The following VARS1 variants were observed in gnomAD, a reference collection of about 807,000 sequenced individuals.
VARS1 encodes valine--tRNA ligase.
Under a neutral mutation model 161.0 loss-of-function variants are expected in VARS1, and 92 were observed. The observed-to-expected ratio is 0.57, with a 90% confidence interval of 0.48 to 0.68. The LOEUF (loss-of-function observed/expected upper bound fraction) is 0.68. Ranked by LOEUF, VARS1 falls within the 30% of genes least tolerant of loss-of-function variation. The pLI, the probability that VARS1 is intolerant of heterozygous loss-of-function variation, is 0.00. For synonymous variants in VARS1, 595 were observed against 682.5 expected (o/e 0.87, Z 2.00); for missense variants, 1,338 against 1,695.9 (o/e 0.79, Z 3.71).
Position 31,784,115 on chromosome 6 carries a change from C to T in VARS1, c.1671+99G>A, listed in dbSNP as rs894139393. ...GAAGACCAGTTTCTAACCCAGTTTC[C>T]TCTCCTCAGCCAGGGGCCTAAGTCC... is the stretch of plus-strand genomic sequence containing the variant. On this transcript the variant is annotated intron_variant, in intron 13 of 29. Transcript: ENST00000375663. This position sits in a 1 kb window ranked among gnomAD's most constrained non-coding sequence, Gnocchi z 6.1. 1.9e-5 allele frequency: 26 copies of T among 1,373,448 alleles called. No homozygotes were observed. In the Middle Eastern group the frequency reaches 1.1e-3, roughly 59 times the overall value. The allele number at this position is 1,373,448 out of a possible 1,614,324, so 85.1% of individuals were successfully genotyped here. A position where few individuals can be genotyped will look rare whatever the true frequency, so the allele number is the denominator to read the frequency against.
In VARS1 at chr6:31,779,937, GCCCAGGGCTCTGCTGC is replaced by G; in HGVS notation, c.3081+45_3081+60del. ...TCAAGGCCAACTCTGGCAAAACTGAGCCCAGGGCTCTGCTGCCCACCTGCCCCCACCATCCCCTGCC... is the reference window on the plus strand; with the variant it reads ...TCAAGGCCAACTCTGGCAAAACTGAGCCACCTGCCCCCACCATCCCCTGCC... On this transcript the variant is annotated intron_variant, in intron 26 of 29. Coordinates refer to ENST00000375663, the MANE Select transcript of VARS1 (RefSeq NM_006295.3). This position sits in a 1 kb window ranked among gnomAD's most constrained non-coding sequence, Gnocchi z 9.1. 6.2e-7 allele frequency: 1 copy of G among 1,607,074 alleles called. No homozygotes were observed. The highest frequency in any genetic ancestry group is 1.1e-5 in the South Asian group (1 of 90,808).
chr6:31,783,060 C>A, intron 14 of VARS1, 36 bp downstream of exon 14: 5 of 1,607,686 alleles, frequency 3.1e-6, no homozygotes, highest in Non-Finnish European at 4.2e-6. Context: ...CAGCTCCAGT[C>A]TTTTCCTCTC....
Position 31,778,899 on chromosome 6 carries a change from A to G in VARS1, c.3726+68T>C, listed in dbSNP as rs780907967. The G allele has an allele frequency of 4.4e-6, 7 of 1,599,460 alleles. No homozygotes were observed. Among genetic ancestry groups the G allele is most frequent in the Non-Finnish European group, 5.1e-6 (6 of 1,169,834 alleles). ...TAGTTGTCAACACCACTGCACTCGGACCAGCCCAGACCAGGGTTTTGATGG... is the reference window on the plus strand; with the variant it reads ...TAGTTGTCAACACCACTGCACTCGGGCCAGCCCAGACCAGGGTTTTGATGG... On this transcript the variant is annotated intron_variant, in intron 29 of 29. Transcript: ENST00000375663. The surrounding 1 kb of genome is among the most constrained non-coding windows in gnomAD (Gnocchi z 5.1).
Position 31,781,456 on chromosome 6 carries a change from G to A in VARS1, c.2544+25C>T. The A allele has an allele frequency of 6.2e-7, 1 of 1,609,194 alleles. No individual in the cohort carries two copies. The highest frequency in any genetic ancestry group is 8.5e-7 in the Non-Finnish European group (1 of 1,179,092). ...GGTAGGAGAGGAGGCTGGGGGCGAT[G>A]GGAGGGTCTCGGCTGTCTCCGCACC... On this transcript the variant is annotated intron_variant, in intron 21 of 29. Coordinates refer to ENST00000375663, the MANE Select transcript of VARS1 (RefSeq NM_006295.3). The surrounding 1 kb of genome is among the most constrained non-coding windows in gnomAD (Gnocchi z 6.8).
In VARS1 at chr6:31,784,749, C is replaced by T. The variant is rs1303612749; in HGVS notation, c.1348-35G>A. 3.1e-6 allele frequency: 5 copies of T among 1,611,882 alleles called. No individual in the cohort carries two copies. The Admixed American group carries it at 6.7e-5, about 22-fold the overall frequency. On this transcript the variant is annotated intron_variant, in intron 10 of 29. Transcript: ENST00000375663. The surrounding 1 kb of genome is among the most constrained non-coding windows in gnomAD (Gnocchi z 6.1). ...AGGAGGGAGAAGTCAGAGAGATGGG[C>T]CTTGTGCCTGGAGGCCCAGGCAGAC...
Position 31,779,535 on chromosome 6 carries a change from C to G in VARS1, c.3290G>C (p.Cys1097Ser). 6.2e-7 allele frequency: 1 copy of G among 1,612,376 alleles called. No individual in the cohort carries two copies. Among genetic ancestry groups the G allele is most frequent in the Non-Finnish European group, 8.5e-7 (1 of 1,179,850 alleles). ...CVTPYPEPSECSWKDPEAEAA... is the reference protein window; with the variant it reads ...CVTPYPEPSESSWKDPEAEAA... ...TTCTGCCTCGGGGTCCTTCCAGGAG[C>G]ACTGTGGGGTGGAGGAGGGGGTGAG... The change falls in exon 28 of 30, where the codon TGC (cysteine) becomes TCC (serine). Residue 1097 changes from cysteine to serine, a missense_variant and splice_region_variant. Physicochemically the swap from Cys to Ser is moderately radical, Grantham distance 112 (BLOSUM62 -1). This residue lies in a region of VARS1 where 433 missense variants were observed against 586.2 expected (regional missense o/e 0.74). Coordinates refer to ENST00000375663, the MANE Select transcript of VARS1 (RefSeq NM_006295.3). This position sits in a 1 kb window ranked among gnomAD's most constrained non-coding sequence, Gnocchi z 9.1.
chr6:31,779,029 G>A lies in VARS1; in HGVS notation c.3664C>T (p.Arg1222Cys), dbSNP rs375257266. The A allele has an allele frequency of 2.2e-4, 357 of 1,612,998 alleles. 1 individual carries two copies. Among genetic ancestry groups the A allele is most frequent in the South Asian group, 1.4e-3 (126 of 91,076 alleles). The change falls in exon 29 of 30, where the codon CGT (arginine) becomes TGT (cysteine). Residue 1222 changes from arginine (R) to cysteine (C), a missense_variant. Arg to Cys is a radical substitution (Grantham distance 180). Coordinates refer to ENST00000375663, the MANE Select transcript of VARS1 (RefSeq NM_006295.3). The surrounding 1 kb of genome is among the most constrained non-coding windows in gnomAD (Gnocchi z 9.1). Reference sequence around the variant, plus strand: ...TTGACAGGATAGCCCGAGGCAGCACGGCGTTCCCGCAGACGCTGGGCCTGC... The same window carrying A: ...TTGACAGGATAGCCCGAGGCAGCACAGCGTTCCCGCAGACGCTGGGCCTGC... ...QRQAQRLRER[R>C]AASGYPVKVP...
In VARS1 at chr6:31,781,672, C is replaced by A. The variant is rs1038728929; in HGVS notation, c.2418+19G>T. On this transcript the variant is annotated intron_variant, in intron 20 of 29. Transcript: ENST00000375663. The surrounding 1 kb of genome is among the most constrained non-coding windows in gnomAD (Gnocchi z 6.8). ...CCTCCAGTCCCCTGTCCCGCCAAGC[C>A]CCGGCCCCAGGAACACACCTGGTTG... 6.8e-6 allele frequency: 11 copies of A among 1,612,880 alleles called. No homozygotes were observed. The highest frequency in any genetic ancestry group is 9.3e-6 in the Non-Finnish European group (11 of 1,179,994).
chr6:31,781,629 A>C lies in VARS1; in HGVS notation c.2419-23T>G. On this transcript the variant is annotated intron_variant, in intron 20 of 29. Transcript: ENST00000375663. The surrounding 1 kb of genome is among the most constrained non-coding windows in gnomAD (Gnocchi z 6.8). ...TGACTGAGGGCAGACCAGGGTGTGA[A>C]GGGGAGCCAACACCCACCCTCCAGT... 1 of 1,612,916 alleles carries C rather than the reference A, an allele frequency of 6.2e-7. No individual in the cohort carries two copies.
chr6:31,780,064 G>A lies in VARS1; in HGVS notation c.3015C>T (p.Tyr1005=), dbSNP rs761794884. 60 of 1,614,014 alleles carry A rather than the reference G, an allele frequency of 3.7e-5. No homozygotes were observed. The highest frequency in any genetic ancestry group is 2.7e-4 in the South Asian group (25 of 91,092). ...GGGCAGTGGTGACGGCCGGGAAGTC[G>A]TAGGCCTGGAAGCCTTGATTGCTGA... The part of the protein sequence containing the change: ...VRLSNQGFQA[Y]DFPAVTTAQY... The change falls in exon 26 of 30, where the codon TAC becomes TAT. Residue 1005 remains tyrosine (Y), a synonymous_variant. Transcript: ENST00000375663. This position sits in a 1 kb window ranked among gnomAD's most constrained non-coding sequence, Gnocchi z 5.1.
chr6:31,777,628 T>C lies in VARS1; in HGVS notation c.3761A>G (p.Asp1254Gly). Reference sequence around the variant, plus strand: ...CTTCTGGAATAGGGCGATGGCCTCATCCACCTTCCTGAGCTCTGCTTCTGT... The same window carrying C: ...CTTCTGGAATAGGGCGATGGCCTCACCCACCTTCCTGAGCTCTGCTTCTGT... Reference protein sequence around the residue: ...QQTEAELRKVDEAIALFQKML With the variant: ...QQTEAELRKVGEAIALFQKML The change falls in exon 30 of 30, where the codon GAT becomes GGT. Residue 1254 changes from aspartate (D) to glycine (G), a missense_variant. Asp to Gly is a moderately conservative substitution (Grantham distance 94). This residue lies in a region of VARS1 where 433 missense variants were observed against 586.2 expected (regional missense o/e 0.74). Transcript: ENST00000375663. The surrounding 1 kb of genome is among the most constrained non-coding windows in gnomAD (Gnocchi z 5.8). The C allele has an allele frequency of 6.2e-7, 1 of 1,613,992 alleles. No individual in the cohort carries two copies. The highest frequency in any genetic ancestry group is 8.5e-7 in the Non-Finnish European group (1 of 1,179,980).
rs187682238 is a variant in VARS1, at chr6:31,780,706, C to T, written c.2796G>A (p.Gln932=). The T allele has an allele frequency of 3.1e-6, 5 of 1,614,152 alleles. No homozygotes were observed. The highest frequency in any genetic ancestry group is 1.7e-4 in the Middle Eastern group (1 of 6,060). Reference sequence around the variant, plus strand: ...GGAGGGACGCTTTGGGGGCCATACCCTGGGACATGTAGGCACATAATCCAA... The same window carrying T: ...GGAGGGACGCTTTGGGGGCCATACCTTGGGACATGTAGGCACATAATCCAA... ...LRFGLCAYMS[Q]GRDINLDVNR... Residue 932 remains glutamine (Q), a splice_region_variant and synonymous_variant, in exon 24 of 30, where the codon CAG becomes CAA. Coordinates refer to ENST00000375663, the MANE Select transcript of VARS1 (RefSeq NM_006295.3). The surrounding 1 kb of genome is among the most constrained non-coding windows in gnomAD (Gnocchi z 5.1).
At chr6:31,788,618 G>A (rs964120250) in intron 8 of VARS1, among the ~76,000 whole-genome samples, 2 of 149,724 alleles carry the variant, frequency 1.3e-5, no homozygotes, top group Admixed American at 1.3e-4. Context: ...CATCCTGGCC[G>A]ACAGGGTGAA....
At position 31,780,587 on chromosome 6, in the gene VARS1, G is replaced by A; in HGVS notation, c.2798-19C>T. Reference sequence around the variant, plus strand: ...TCACGACCTGGGTCGGGGGTGAGATGTGAGTCCTCATCACCCTCTTCCCAG... The same window carrying A: ...TCACGACCTGGGTCGGGGGTGAGATATGAGTCCTCATCACCCTCTTCCCAG... On this transcript the variant is annotated intron_variant, in intron 24 of 29. Coordinates refer to ENST00000375663, the MANE Select transcript of VARS1 (RefSeq NM_006295.3). This position sits in a 1 kb window ranked among gnomAD's most constrained non-coding sequence, Gnocchi z 5.1. 1.2e-6 allele frequency: 2 copies of A among 1,612,772 alleles called. No individual in the cohort carries two copies. The highest frequency in any genetic ancestry group is 2.2e-5 in the South Asian group (2 of 90,946).
In VARS1 at chr6:31,779,473, C is replaced by G. The variant is rs543142503; in HGVS notation, c.3352G>C (p.Val1118Leu). 6.8e-6 allele frequency: 11 copies of G among 1,612,706 alleles called. No individual in the cohort carries two copies. Among genetic ancestry groups the G allele is most frequent in the Non-Finnish European group, 8.5e-6 (10 of 1,179,988 alleles). The part of the protein sequence containing the change: ...LELALSITRA[V>L]RSLRADYNLT... The stretch of plus-strand genomic sequence containing the variant: ...TTGTAGTCGGCCCGCAGGGAGCGCA[C>G]GGCTCGCGTGATGCTTAGCGCCAGC... Residue 1118 changes from valine (V) to leucine (L), a missense_variant, in exon 28 of 30, where the codon GTG (valine) becomes CTG (leucine). Physicochemically the swap from Val to Leu is conservative, Grantham distance 32. Coordinates refer to ENST00000375663, the MANE Select transcript of VARS1 (RefSeq NM_006295.3). This position sits in a 1 kb window ranked among gnomAD's most constrained non-coding sequence, Gnocchi z 9.1.
In VARS1 at chr6:31,795,569, C is replaced by A; in HGVS notation, c.-57G>T. On this transcript the variant is annotated 5_prime_UTR_variant, in exon 1 of 30. Coordinates refer to ENST00000375663, the MANE Select transcript of VARS1 (RefSeq NM_006295.3). This position sits in a 1 kb window ranked among gnomAD's most constrained non-coding sequence, Gnocchi z 6.9. Reference sequence around the variant, plus strand: ...ACTGGAGGGAGATGGTCAGACTGGGCCGGGAATCCACCTCACAGCCAGGCG... The same window carrying A: ...ACTGGAGGGAGATGGTCAGACTGGGACGGGAATCCACCTCACAGCCAGGCG... 4.9e-6 allele frequency: 1 copy of A among 204,712 alleles called. No individual in the cohort carries two copies. Among genetic ancestry groups the A allele is most frequent in the African/African-American group, 2.3e-5 (1 of 43,812 alleles). The allele number at this position is 204,712 out of a possible 1,614,324, so 12.7% of individuals were successfully genotyped here.
chr6:31,791,919 G>A lies in VARS1; in HGVS notation c.924C>T (p.Ala308=), dbSNP rs762155544. 2.7e-5 allele frequency: 43 copies of A among 1,606,430 alleles called. No individual in the cohort carries two copies. Among genetic ancestry groups the A allele is most frequent in the Non-Finnish European group, 3.7e-5 (43 of 1,175,896 alleles). ...DSYSPRYVEA[A]WYPWWEQQGF... is the part of the protein sequence containing the mutation. ...CCTGCTGCTCCCACCAAGGGTACCA[G>A]GCAGCCTCCACATACCGAGGGCTGT... Residue 308 remains alanine, a synonymous_variant, in exon 7 of 30, where the codon GCC becomes GCT. Coordinates refer to ENST00000375663, the MANE Select transcript of VARS1 (RefSeq NM_006295.3). This position sits in a 1 kb window ranked among gnomAD's most constrained non-coding sequence, Gnocchi z 5.0.
chr6:31,780,316 G>A lies in VARS1; in HGVS notation c.2925+125C>T, dbSNP rs957708700. ...AGTGACAGGCCCCAGCCCCCAATGC[G>A]CTGGGCTTTCCCTTTAACTGTCTGT... On this transcript the variant is annotated intron_variant, in intron 25 of 29. Coordinates refer to ENST00000375663, the MANE Select transcript of VARS1 (RefSeq NM_006295.3). The surrounding 1 kb of genome is among the most constrained non-coding windows in gnomAD (Gnocchi z 5.1). The A allele has an allele frequency of 1.0e-4, 153 of 1,524,790 alleles. No homozygotes were observed. The South Asian group carries it at 1.2e-3, about 12-fold the overall frequency. 94.5% of individuals were successfully genotyped at this position (1,524,790 alleles called of 1,614,324 possible).
intron 8 of VARS1, among the ~76,000 whole-genome samples, chr6:31,787,695 G>A (rs575693442): frequency 2.0e-5 from 3 of 151,848 alleles, no homozygotes; most frequent in African/African-American, 4.8e-5. Flanking sequence ...CAAACTTGGA[G>A]GCCAGGTATG....
Sources: allele counts gnomAD v4.1 joint callset (sites outside exome capture counted in the v4.1 genomes callset), GRCh38; gene constraint gnomAD v4.1.1; regional missense constraint gnomAD v4.1.1; non-coding constraint Gnocchi (gnomAD v3.1); transcripts MANE v1.5; gene names NCBI Gene and HGNC (gene_info 2026-07-23, HGNC 2026-07-21).